RNF123: variants seen among roughly 807,000 people sequenced by gnomAD.
RNF123 encodes the protein ring finger protein 123.
RNF123 carries 86 observed loss-of-function variants against 168.5 expected under a neutral mutation model. That is an observed-to-expected ratio of 0.51 (90% CI 0.43 to 0.61). RNF123 has a LOEUF of 0.61. RNF123 is among the 20% of genes least tolerant of loss of function. The pLI, the probability that RNF123 is intolerant of heterozygous loss-of-function variation, is 0.00. For synonymous variants in RNF123, 666 were observed against 689.1 expected, an observed-to-expected ratio of 0.97 and a Z score of 0.52; for missense variants, 1,419 against 1,729.7, an observed-to-expected ratio of 0.82 and a Z score of 3.19.
chr3:49,692,432 C>T (rs1313835664), intron 3 of RNF123, among the ~76,000 whole-genome samples: 2 of 152,202 alleles, frequency 1.3e-5, no homozygotes, highest in Admixed American at 6.5e-5. Context: ...GTAATAATCA[C>T]ATCATGGTAA....
At chr3:49,706,955 C>A in intron 26 of RNF123, 57 bp downstream of exon 26, 1 of 1,467,386 alleles carries the variant, frequency 6.8e-7, no homozygotes, top group Non-Finnish European at 9.5e-7. Flanking sequence ...ACGGGTCTAG[C>A]AAGATTGTGC....
chr3:49,713,063 T>G (rs1228464384), intron 27 of RNF123: 2 of 623,970 alleles, frequency 3.2e-6, no homozygotes, highest in Non-Finnish European at 5.8e-6. Context: ...GGGTGGACCC[T>G]GCTAGGGTCC....
At chr3:49,712,775 G>A in intron 27 of RNF123, 119 bp downstream of exon 27, 2 of 1,179,768 alleles carry the variant, frequency 1.7e-6, no homozygotes, top group Non-Finnish European at 2.5e-6. Context: ...GGCGGGGAGG[G>A]GAGGAGCTTC....
chr3:49,712,683 G>T (rs1306822890), intron 27 of RNF123, 27 bp downstream of exon 27: 2 of 1,613,668 alleles, frequency 1.2e-6, no homozygotes, highest in African/African-American at 2.7e-5. Flanking sequence ...GGCTGAGGCA[G>T]AAGCAGAAAA....
intron 37 of RNF123, 30 bp from the exon 38 acceptor site, chr3:49,720,990 C>A (rs770434747): frequency 1.2e-6 from 2 of 1,609,090 alleles, no homozygotes; most frequent in Non-Finnish European, 8.5e-7. Context: ...GCATCCAACT[C>A]CAGCCCACCC....
chr3:49,706,656 A>C (rs2054526218), intron 25 of RNF123, 135 bp from the exon 26 acceptor site: 1 of 709,626 alleles, frequency 1.4e-6, no homozygotes, highest in Non-Finnish European at 2.4e-6. Context: ...TGGCAGAAGA[A>C]GGTTTTGAAA....
Position 49,690,421 on chromosome 3 carries a change from G to C in RNF123, c.-36-709G>C, listed in dbSNP as rs141133735. Among the ~76,000 whole-genome samples the C allele has an allele frequency of 4.2e-3, 635 of 152,364 alleles. 7 individuals carry two copies. The highest frequency in any genetic ancestry group is 0.015 in the African/African-American group (606 of 41,578). ...TGTTGGACAGCACCGCTACACATCA[G>C]TGAGGCCAGCACCAGGGACTCAGTG... On this transcript the variant is annotated intron_variant, in intron 1 of 38. Coordinates refer to ENST00000327697, the MANE Select transcript of RNF123 (RefSeq NM_022064.5).
chr3:49,720,359 T>A, intron 35 of RNF123, 152 bp from the exon 36 acceptor site: 10 of 625,014 alleles, frequency 1.6e-5, no homozygotes, highest in Non-Finnish European at 2.2e-5. Context: ...CTTACTAGAA[T>A]ACAGGACTTG....
intron 9 of RNF123, 21 bp downstream of exon 9, chr3:49,698,843 C>T: frequency 6.2e-7 from 1 of 1,613,256 alleles, no homozygotes; most frequent in Non-Finnish European, 8.5e-7. Context: ...TATCTCTATG[C>T]ACAGGCCTGG....
At chr3:49,709,193 G>A (rs1015587766) in intron 26 of RNF123, among the ~76,000 whole-genome samples, 6 of 151,992 alleles carry the variant, frequency 3.9e-5, no homozygotes, top group East Asian at 1.9e-4. Flanking sequence ...GTGCAATGGC[G>A]CGATCTCGGC....
Position 49,706,065 on chromosome 3 carries a change from G to A in RNF123, c.2388G>A (p.Arg796=). The A allele has an allele frequency of 6.2e-7, 1 of 1,613,950 alleles. No homozygotes were observed. The change falls in exon 25 of 39, where the codon AGG becomes AGA. Residue 796 remains arginine (R), a splice_region_variant and synonymous_variant. Coordinates refer to ENST00000327697, the MANE Select transcript of RNF123 (RefSeq NM_022064.5). ...TEDKLRRCPK[R]RKDILAELTK... is the part of the protein sequence containing the mutation. ...ACAAGCTCCGCCGGTGCCCCAAGAG[G>A]GTAAGGCCCACATAGTCTTGGTGAG...
chr3:49,705,487 G>A (rs749700612), intron 23 of RNF123, 47 bp from the exon 24 acceptor site: 1 of 1,537,796 alleles, frequency 6.5e-7, no homozygotes, highest in East Asian at 2.3e-5. Flanking sequence ...AGGCTCAGGA[G>A]AGCCGGGATG....
intron 13 of RNF123, 57 bp from the exon 14 acceptor site, chr3:49,700,415 C>G (rs544010489): frequency 6.2e-7 from 1 of 1,611,890 alleles, no homozygotes; most frequent in Non-Finnish European, 8.5e-7. Flanking sequence ...CGGGAAGATA[C>G]GGGGAGAATC....
chr3:49,694,521 C>T (rs1456785672), intron 3 of RNF123, among the ~76,000 whole-genome samples: 5 of 152,158 alleles, frequency 3.3e-5, no homozygotes, highest in Non-Finnish European at 5.9e-5. Context: ...GGGCTGGAGT[C>T]GTGTGGCTAG....
Position 49,703,010 on chromosome 3 carries a change from G to A in RNF123, c.1750+257G>A, listed in dbSNP as rs550790166. Among the ~76,000 whole-genome samples the A allele has an allele frequency of 2.7e-4, 41 of 152,278 alleles. No individual in the cohort carries two copies. In the South Asian group the frequency reaches 6.2e-3, roughly 23 times the overall value. On this transcript the variant is annotated intron_variant, in intron 20 of 38. Coordinates refer to ENST00000327697, the MANE Select transcript of RNF123 (RefSeq NM_022064.5). ...CTACCATTGTGGGCTCTTTTCTTCC[G>A]TCCTTGCCCCCCCATTTCTCTGTGC... is the stretch of plus-strand genomic sequence containing the variant.
chr3:49,718,607 G>A, intron 35 of RNF123: 1 of 1,613,018 alleles, frequency 6.2e-7, no homozygotes, highest in South Asian at 1.1e-5. Context: ...GCGTACAGGT[G>A]CTCTTCCGGC....
chr3:49,703,440 G>T lies in RNF123; in HGVS notation c.1764G>T (p.Pro588=), dbSNP rs770695197. 1.9e-6 allele frequency: 3 copies of T among 1,613,890 alleles called. No individual in the cohort carries two copies. In the African/African-American group the frequency reaches 4.0e-5, roughly 22 times the overall value. Reference sequence around the variant, plus strand: ...AATTCCTCGCAGAGGCCTACATCCCGCCCCAGGTCTTCTATAATGGCAAGG... The same window carrying T: ...AATTCCTCGCAGAGGCCTACATCCCTCCCCAGGTCTTCTATAATGGCAAGG... ...HASFSEEAYI[P]PQVFYNGKVD... Residue 588 remains proline (P), a synonymous_variant, in exon 21 of 39, where the codon CCG becomes CCT. Coordinates refer to ENST00000327697, the MANE Select transcript of RNF123 (RefSeq NM_022064.5).
Position 49,699,425 on chromosome 3 carries a change from T to C in RNF123, c.765-43T>C. 6.7e-7 allele frequency: 1 copy of C among 1,494,628 alleles called. No individual in the cohort carries two copies. Among genetic ancestry groups the C allele is most frequent in the Non-Finnish European group, 9.1e-7 (1 of 1,093,674 alleles). 92.6% of individuals were successfully genotyped at this position (1,494,628 alleles called of 1,614,324 possible). ...GTGGGCAGTGGAGAGGGAGTAGGCA[T>C]GTCTGAGCCACAGATAAGGCGTTGC... On this transcript the variant is annotated intron_variant, in intron 10 of 38. Transcript: ENST00000327697. The surrounding 1 kb of genome is among the most constrained non-coding windows in gnomAD (Gnocchi z 4.8).
At chr3:49,714,056 C>G in intron 30 of RNF123, 34 bp from the exon 31 acceptor site, 1 of 1,613,788 alleles carries the variant, frequency 6.2e-7, no homozygotes. Context: ...GTGCGCTGTC[C>G]CATTGACCTG....
Sources: gnomAD v4.1 joint callset for allele counts (sites outside exome capture counted in the v4.1 genomes callset) on GRCh38, gnomAD v4.1.1 for gene constraint, Gnocchi (gnomAD v3.1) non-coding constraint, MANE v1.5 for transcripts, NCBI Gene and HGNC (gene_info 2026-07-23, HGNC 2026-07-21) for gene names.